The following KLHL8 variants were observed in gnomAD, a reference collection of about 807,000 sequenced individuals.
The protein encoded by KLHL8 is kelch like family member 8, also known as kelch-like protein 8.
Under a neutral mutation model 63.5 loss-of-function variants are expected in KLHL8, and 38 were observed. The observed-to-expected ratio is 0.60, with a 90% CI of 0.46 to 0.78. The LOEUF (loss-of-function observed/expected upper bound fraction) is 0.78. KLHL8 is among the 30% of genes least tolerant of loss of function. The pLI, the probability that KLHL8 is intolerant of heterozygous loss-of-function variation, is 0.00. For synonymous variants in KLHL8, 224 were observed against 254.3 expected, an observed-to-expected ratio of 0.88 and a Z score of 1.13; for missense variants, 566 against 752.4, an observed-to-expected ratio of 0.75 and a Z score of 2.90.
chr4:87,163,668 T>C, intron 9 of KLHL8, 26 bp from the exon 10 acceptor site: 1 of 1,611,700 alleles, frequency 6.2e-7, no homozygotes, highest in Non-Finnish European at 8.5e-7. Context: ...AGAAAAAATG[T>C]TACAAAGCAT....
intron 4 of KLHL8, among the ~76,000 whole-genome samples, chr4:87,179,405 CTT>C (rs1006913464): frequency 1.3e-5 from 2 of 152,182 alleles, no homozygotes; most frequent in African/African-American, 2.4e-5. Flanking sequence ...TGAAAAGGCT[CTT>C]TTGATAGCCT....
intron 4 of KLHL8, among the ~76,000 whole-genome samples, chr4:87,180,962 T>C (rs1731027956): frequency 6.6e-6 from 1 of 151,998 alleles, no homozygotes; most frequent in Non-Finnish European, 1.5e-5. Context: ...CTCGAGCCCA[T>C]GAGGTTCAAG....
chr4:87,226,706 TAATATATATTATTTATATATAA>T lies in KLHL8; in HGVS notation n.58-5338_58-5317del, dbSNP rs1560723399. On this transcript the variant is annotated intron_variant and non_coding_transcript_variant, in intron 1 of 1. Transcript: ENST00000506274. ...ATATAATATATATATTATTTATATA[TAATATATATTATTTATATATAA>T]TATATATTATTTATATATAATATAT... Among the ~76,000 whole-genome samples the T allele has an allele frequency of 9.5e-4, 20 of 21,156 alleles. 8 individuals are homozygous for T. Among genetic ancestry groups the T allele is most frequent in the East Asian group, 7.7e-3 (4 of 520 alleles). 13.9% of individuals were successfully genotyped at this position (21,156 alleles called of 152,430 possible).
Position 87,195,615 on chromosome 4 carries a change from C to T in KLHL8, c.-76G>A. Reference sequence around the variant, plus strand: ...TTTTTTTCAAAGGGTAGAGAGAAGGCAGAAGGTAGATGTAGACACTACAAT... The same window carrying T: ...TTTTTTTCAAAGGGTAGAGAGAAGGTAGAAGGTAGATGTAGACACTACAAT... On this transcript the variant is annotated 5_prime_UTR_variant, in exon 2 of 10. Coordinates refer to ENST00000273963, the MANE Select transcript of KLHL8 (RefSeq NM_020803.5). 1 of 1,234,350 alleles carries T rather than the reference C, an allele frequency of 8.1e-7. No homozygotes were observed. Among genetic ancestry groups the T allele is most frequent in the South Asian group, 1.3e-5 (1 of 77,550 alleles). The allele number at this position is 1,234,350 out of a possible 1,614,324, so 76.5% of individuals were successfully genotyped here.
chr4:87,226,935 A>G (rs1464003364), intron 1 of KLHL8, among the ~76,000 whole-genome samples: 2 of 50,560 alleles, frequency 4.0e-5, no homozygotes, highest in African/African-American at 1.4e-4. Context: ...TATTATATAT[A>G]AATAATATAT....
intron 3 of KLHL8, among the ~76,000 whole-genome samples, chr4:87,184,270 T>G (rs1181904520): frequency 6.6e-6 from 1 of 152,246 alleles, no homozygotes; most frequent in African/African-American, 2.4e-5. Context: ...TGTTCTGAAC[T>G]TTGATACTCA....
intron 1 of KLHL8, among the ~76,000 whole-genome samples, chr4:87,199,333 C>T (rs994691480): frequency 2.0e-5 from 3 of 151,970 alleles, no homozygotes; most frequent in Non-Finnish European, 4.4e-5. Context: ...AAAACTAACT[C>T]AAAATGAATT....
chr4:87,226,887 TTATATATAAATA>T, intron 1 of KLHL8, among the ~76,000 whole-genome samples: 1 of 26,508 alleles, frequency 3.8e-5, no homozygotes, highest in Non-Finnish European at 5.9e-5. Flanking sequence ...ATAATATATA[TTATATATAAATA>T]ATATATAATA....
rs183485412 is a variant in KLHL8, at chr4:87,164,877, G to A, written c.1538-798C>T. ...AAAAACAAGGTCAGAGGCCGGGCGC[G>A]GTGGCTCACGCCTGTAATCCCAGCA... On this transcript the variant is annotated intron_variant, in intron 8 of 9. Coordinates refer to ENST00000273963, the MANE Select transcript of KLHL8 (RefSeq NM_020803.5). Among the ~76,000 whole-genome samples the A allele has an allele frequency of 1.8e-3, 272 of 152,102 alleles. 1 individual carries two copies. Among genetic ancestry groups the A allele is most frequent in the Middle Eastern group, 6.8e-3 (2 of 294 alleles).
At position 87,163,551 on chromosome 4, in the gene KLHL8, G is replaced by A; in HGVS notation, c.1831C>T (p.His611Tyr). ...CLTSQIRDVG[H>Y]GSNNVVDCM ...CAGTCAACCACATTATTGGATCCAT[G>A]ACCTACATCTCGAATTTGGCTAGTT... Residue 611 changes from histidine (H) to tyrosine (Y), a missense_variant, in exon 10 of 10, where the codon CAT becomes TAT. Physicochemically the swap from His to Tyr is moderately conservative, Grantham distance 83 (BLOSUM62 2). Coordinates refer to ENST00000273963, the MANE Select transcript of KLHL8 (RefSeq NM_020803.5). 6.2e-7 allele frequency: 1 copy of A among 1,614,106 alleles called. No individual in the cohort carries two copies.
In KLHL8 at chr4:87,170,219, C is replaced by T. The variant is rs371718575; in HGVS notation, c.1397G>A (p.Gly466Asp). ...VALVNHVYAV[G>D]GNDGMASLSS... The stretch of plus-strand genomic sequence containing the variant: ...TAAAGAAGCCATTCCATCATTGCCA[C>T]CTACTGCATAAACATGGTTCTAAAT... Residue 466 changes from glycine to aspartate, a missense_variant, in exon 8 of 10, where the codon GGT becomes GAT. By Grantham distance (94) the Gly-to-Asp change is moderately conservative. Coordinates refer to ENST00000273963, the MANE Select transcript of KLHL8 (RefSeq NM_020803.5). The T allele has an allele frequency of 1.2e-6, 2 of 1,613,026 alleles. No individual in the cohort carries two copies. The highest frequency in any genetic ancestry group is 1.7e-6 in the Non-Finnish European group (2 of 1,179,566).
chr4:87,181,669 C>T (rs17704256), intron 4 of KLHL8, among the ~76,000 whole-genome samples: 12,082 of 151,844 alleles, frequency 0.08, 647 homozygotes, highest in Non-Finnish European at 0.12. Context: ...GTGTGACCTT[C>T]GGCATATTTT....
chr4:87,173,959 A>T (rs1041915447), intron 6 of KLHL8, among the ~76,000 whole-genome samples: 3 of 149,354 alleles, frequency 2.0e-5, no homozygotes, highest in South Asian at 4.2e-4. Context: ...ATGTCTTCAC[A>T]TTTTTTTTTA....
At chr4:87,200,869 C>T (rs1731894585) in intron 1 of KLHL8, among the ~76,000 whole-genome samples, 1 of 152,084 alleles carries the variant, frequency 6.6e-6, no homozygotes, top group Admixed American at 6.6e-5. Context: ...TTTACAACAA[C>T]CAAGAGGTAG....
chr4:87,208,997 T>C (rs1160705109), intron 1 of KLHL8, among the ~76,000 whole-genome samples: 2 of 152,152 alleles, frequency 1.3e-5, no homozygotes, highest in Non-Finnish European at 2.9e-5. Context: ...TAATGCAATG[T>C]CCTCAACTTT....
In KLHL8 at chr4:87,195,307, A is replaced by G; in HGVS notation, c.216+17T>C. 1 of 1,604,306 alleles carries G rather than the reference A, an allele frequency of 6.2e-7. No homozygotes were observed. Among genetic ancestry groups the G allele is most frequent in the Non-Finnish European group, 8.5e-7 (1 of 1,175,300 alleles). The stretch of plus-strand genomic sequence containing the variant: ...CACTGAAGAGGCCTGAGAAAAGTAC[A>G]AAAAAGGCAATCTCACCTTGAGTGT... On this transcript the variant is annotated intron_variant, in intron 2 of 9. Coordinates refer to ENST00000273963, the MANE Select transcript of KLHL8 (RefSeq NM_020803.5).
chr4:87,215,700 T>C (rs1250033490), intron 1 of KLHL8, among the ~76,000 whole-genome samples: 1 of 152,206 alleles, frequency 6.6e-6, no homozygotes, highest in Non-Finnish European at 1.5e-5. Flanking sequence ...CAAACGCTTA[T>C]TCTTATAAGA....
At chr4:87,208,073 A>G (rs1179781929) in intron 1 of KLHL8, 4 of 580,658 alleles carry the variant, frequency 6.9e-6, no homozygotes, top group Non-Finnish European at 1.3e-5. Flanking sequence ...CTCATGGCCC[A>G]CATGGCCTCC....
intron 1 of KLHL8, among the ~76,000 whole-genome samples, chr4:87,198,088 G>A (rs1184423875): frequency 6.6e-6 from 1 of 150,986 alleles, no homozygotes; most frequent in African/African-American, 2.4e-5. Context: ...GGAGACCAAG[G>A]TGGGTGGCTC....
Sources: allele counts gnomAD v4.1 joint callset (sites outside exome capture counted in the v4.1 genomes callset), GRCh38; gene constraint gnomAD v4.1.1; transcripts MANE v1.5; gene names NCBI Gene and HGNC (gene_info 2026-07-23, HGNC 2026-07-21).